The following MYO1D variants were observed in gnomAD, a reference collection of about 807,000 sequenced individuals.
The protein encoded by MYO1D is unconventional myosin-Id.
A neutral mutation model predicts 122.0 loss-of-function variants in MYO1D; 83 were observed. The observed-to-expected ratio is 0.68, with a 90% CI of 0.57 to 0.82. The LOEUF (loss-of-function observed/expected upper bound fraction) is 0.82, where lower values mean the gene tolerates loss of function less well. MYO1D is among the 40% of genes least tolerant of loss of function. The pLI is 0.00. For missense variants in MYO1D, 1,157 were observed against 1,269.5 expected, an observed-to-expected ratio of 0.91 and a Z score of 1.35; for synonymous variants, 464 against 446.9, an observed-to-expected ratio of 1.04 and a Z score of -0.48.
chr17:32,595,062 G>T, intron 21 of MYO1D, among the ~76,000 whole-genome samples: 1 of 152,110 alleles, frequency 6.6e-6, no homozygotes, highest in African/African-American at 2.4e-5. Context: ...CCTGCCTTCT[G>T]TCCCACACAT....
chr17:32,628,133 C>T (rs1232746708), intron 20 of MYO1D, among the ~76,000 whole-genome samples: 2 of 152,200 alleles, frequency 1.3e-5, no homozygotes, highest in African/African-American at 4.8e-5. Flanking sequence ...TCCCCCAGCT[C>T]ACAAAACATT....
At position 32,619,811 on chromosome 17, in the gene MYO1D, C is replaced by G. The variant is rs551991746; in HGVS notation, c.2710-14570G>C. On this transcript the variant is annotated intron_variant, in intron 20 of 21. Coordinates refer to ENST00000318217, the MANE Select transcript of MYO1D (RefSeq NM_015194.3). ...TAGTCTTTAATTGAATTTTTTTGAC[C>G]CTCTCAGTGCAAAATAAAAAAAGAT... Among the ~76,000 whole-genome samples, 2 of 151,284 alleles carry G rather than the reference C, an allele frequency of 1.3e-5. 1 individual carries two copies. Among genetic ancestry groups the G allele is most frequent in the African/African-American group, 4.9e-5 (2 of 41,220 alleles).
At chr17:32,505,806 G>A (rs1909483815) in intron 21 of MYO1D, among the ~76,000 whole-genome samples, 2 of 152,176 alleles carry the variant, frequency 1.3e-5, no homozygotes, top group South Asian at 4.1e-4. Context: ...ACTTGCAAAA[G>A]AACATCTAAT....
At chr17:32,778,325 G>A (rs2090199539) in intron 3 of MYO1D, among the ~76,000 whole-genome samples, 155 bp downstream of exon 3, 1 of 152,172 alleles carries the variant, frequency 6.6e-6, no homozygotes, top group Admixed American at 6.5e-5. Context: ...GAGACAATAT[G>A]CACTTAAGAG....
At chr17:32,570,917 T>C (rs1326767737) in intron 21 of MYO1D, among the ~76,000 whole-genome samples, 2 of 152,160 alleles carry the variant, frequency 1.3e-5, no homozygotes, top group Non-Finnish European at 2.9e-5. Context: ...CAAGCACACA[T>C]GTCTGTTGTC....
At chr17:32,845,333 A>C (rs1401938880) in intron 1 of MYO1D, among the ~76,000 whole-genome samples, 1 of 152,188 alleles carries the variant, frequency 6.6e-6, no homozygotes, top group Admixed American at 6.5e-5. Flanking sequence ...ACCCCTGCCT[A>C]AAGAATCAGC....
At chr17:32,815,869 T>C (rs1368863644) in intron 1 of MYO1D, among the ~76,000 whole-genome samples, 10 of 152,236 alleles carry the variant, frequency 6.6e-5, no homozygotes, top group Non-Finnish European at 1.0e-4. Context: ...TTCGGGGTTG[T>C]ATTCTCTCAT....
intron 1 of MYO1D, among the ~76,000 whole-genome samples, chr17:32,875,719 G>A (rs899026963): frequency 6.6e-6 from 1 of 152,146 alleles, no homozygotes. Context: ...TGGATTGACA[G>A]GGGTAGTTAA....
intron 16 of MYO1D, among the ~76,000 whole-genome samples, chr17:32,677,894 C>G (rs573501593): frequency 6.6e-6 from 1 of 152,028 alleles, no homozygotes; most frequent in Non-Finnish European, 1.5e-5. Flanking sequence ...TTTAATTCAT[C>G]TCAACTGGCT....
At chr17:32,565,299 C>T (rs1270396821) in intron 21 of MYO1D, among the ~76,000 whole-genome samples, 2 of 152,158 alleles carry the variant, frequency 1.3e-5, no homozygotes, top group South Asian at 4.1e-4. Context: ...CCACCACACC[C>T]AGCCTGAAGA....
chr17:32,539,680 C>T (rs985211022), intron 21 of MYO1D, among the ~76,000 whole-genome samples: 4 of 152,162 alleles, frequency 2.6e-5, no homozygotes, highest in East Asian at 1.9e-4. Context: ...ATTAGTGCCA[C>T]GTAGGGCTCA....
At chr17:32,546,462 A>C (rs1194980798) in intron 21 of MYO1D, among the ~76,000 whole-genome samples, 1 of 152,232 alleles carries the variant, frequency 6.6e-6, no homozygotes, top group African/African-American at 2.4e-5. Flanking sequence ...AGGGGCACAC[A>C]GAAAACCTAT....
intron 1 of MYO1D, among the ~76,000 whole-genome samples, chr17:32,814,196 T>C (rs1404302653): frequency 1.3e-5 from 2 of 152,018 alleles, no homozygotes; most frequent in African/African-American, 4.8e-5. Context: ...TTACAAAAAA[T>C]AGCTGGGTGT....
At chr17:32,526,895 T>C (rs1200292949) in intron 21 of MYO1D, among the ~76,000 whole-genome samples, 1 of 152,162 alleles carries the variant, frequency 6.6e-6, no homozygotes, top group Admixed American at 6.5e-5. Flanking sequence ...TCTGGAACTG[T>C]TTTTCATTTT....
intron 15 of MYO1D, among the ~76,000 whole-genome samples, chr17:32,720,397 C>A (rs890515751): frequency 2.0e-5 from 3 of 152,002 alleles, no homozygotes; most frequent in Non-Finnish European, 2.9e-5. Context: ...TTATTATTAT[C>A]CCCATTTTAC....
intron 13 of MYO1D, among the ~76,000 whole-genome samples, chr17:32,740,329 AT>A (rs1363525547): frequency 6.6e-6 from 1 of 152,174 alleles, no homozygotes; most frequent in Non-Finnish European, 1.5e-5. Context: ...TGTTGGCCAT[AT>A]TTGGAGACTA....
chr17:32,555,824 T>C (rs1273245665), intron 21 of MYO1D, among the ~76,000 whole-genome samples: 1 of 152,192 alleles, frequency 6.6e-6, no homozygotes, highest in Admixed American at 6.5e-5. Context: ...GCATACTAAG[T>C]TCTTTTCTGC....
intron 21 of MYO1D, among the ~76,000 whole-genome samples, chr17:32,527,970 C>G (rs1183673373): frequency 1.3e-5 from 2 of 151,972 alleles, no homozygotes; most frequent in Non-Finnish European, 2.9e-5. Flanking sequence ...TCCTGAGTAG[C>G]TGGAATTACA....
intron 20 of MYO1D, among the ~76,000 whole-genome samples, chr17:32,618,323 G>A (rs1359869397): frequency 6.6e-6 from 1 of 152,144 alleles, no homozygotes; most frequent in East Asian, 1.9e-4. Flanking sequence ...ATCATTGATT[G>A]ACAAGGGCTT....
Sources: gnomAD v4.1 joint callset for allele counts (sites outside exome capture counted in the v4.1 genomes callset) on GRCh38, gnomAD v4.1.1 for gene constraint, MANE v1.5 for transcripts, NCBI Gene and HGNC (gene_info 2026-07-23, HGNC 2026-07-21) for gene names.